The following TNIK variants were observed in gnomAD, a reference collection of about 807,000 sequenced individuals.
TNIK encodes the protein TRAF2 and NCK-interacting protein kinase.
In TNIK, 49 loss-of-function variants were observed where a neutral mutation model predicts 191.3. The ratio of observed to expected loss-of-function variants is 0.26; its 90% CI spans 0.20 to 0.32. TNIK has a LOEUF of 0.32. Among genes scored for constraint, TNIK ranks in the 10% least tolerant of loss-of-function variants. TNIK has a pLI of 1.00. For synonymous variants in TNIK, 594 were observed against 600.9 expected (o/e 0.99, Z 0.17); for missense variants, 1,155 against 1,702.3 (o/e 0.68, Z 5.66).
chr3:171,107,299 G>C, intron 20 of TNIK, 93 bp from the exon 21 acceptor site: 4 of 1,146,592 alleles, frequency 3.5e-6, no homozygotes, highest in Non-Finnish European at 5.0e-6. Context: ...GTAATTGTTA[G>C]TACGCAACTG....
chr3:171,390,675 T>C (rs1719378577), intron 1 of TNIK, among the ~76,000 whole-genome samples: 1 of 152,234 alleles, frequency 6.6e-6, no homozygotes, highest in African/African-American at 2.4e-5. Flanking sequence ...TCTCACCTCT[T>C]GGTACATTAG....
At chr3:171,443,765 A>G (rs1278911779) in intron 1 of TNIK, among the ~76,000 whole-genome samples, 1 of 152,198 alleles carries the variant, frequency 6.6e-6, no homozygotes. Flanking sequence ...TTGAGGCTAC[A>G]GTGAGCCATG....
At chr3:171,237,684 G>A (rs1222058676) in intron 2 of TNIK, among the ~76,000 whole-genome samples, 1 of 152,090 alleles carries the variant, frequency 6.6e-6, no homozygotes, top group African/African-American at 2.4e-5. Flanking sequence ...TGCTTTGAGA[G>A]GCCAAGGCAG....
chr3:171,101,296 A>C (rs1458592987), intron 22 of TNIK, among the ~76,000 whole-genome samples, 153 bp downstream of exon 22: 1 of 152,194 alleles, frequency 6.6e-6, no homozygotes, highest in Non-Finnish European at 1.5e-5. Context: ...AGATAATTAT[A>C]GAACTATGCT....
intron 2 of TNIK, among the ~76,000 whole-genome samples, chr3:171,339,622 A>AGCTGAATCCCAGGCTG (rs1437446691): frequency 6.6e-6 from 1 of 152,236 alleles, no homozygotes; most frequent in Non-Finnish European, 1.5e-5. Flanking sequence ...GAGGTCCTTC[A>AGCTGAATCCCAGGCTG]GCTGAATCCC....
At chr3:171,376,525 G>A (rs1228629565) in intron 1 of TNIK, among the ~76,000 whole-genome samples, 1 of 152,054 alleles carries the variant, frequency 6.6e-6, no homozygotes, top group Non-Finnish European at 1.5e-5. Context: ...CCAATCTAAG[G>A]AAGGAAGCAG....
intron 2 of TNIK, among the ~76,000 whole-genome samples, chr3:171,254,206 G>A (rs1276279711): frequency 5.9e-5 from 9 of 152,120 alleles, no homozygotes; most frequent in South Asian, 4.2e-4. Flanking sequence ...TTAATGTAGC[G>A]TGTCTATTAC....
intron 1 of TNIK, among the ~76,000 whole-genome samples, chr3:171,443,263 G>A (rs1015066428): frequency 6.6e-6 from 1 of 152,164 alleles, no homozygotes; most frequent in African/African-American, 2.4e-5. Flanking sequence ...GAGTATCCAT[G>A]CTCTGAAAGT....
rs910327895 is a variant in TNIK, at chr3:171,392,986, T to A, written c.58-23301A>T. ...GTCACATTTTAAAATAAAAAAAAAA[T>A]GAGCCTTCTCCCTTTACAATGCAGG... On this transcript the variant is annotated intron_variant, in intron 1 of 32. Transcript: ENST00000436636. 7.2e-5 allele frequency among the ~76,000 whole-genome samples: 11 copies of A among 151,844 alleles called. No individual in the cohort carries two copies. The East Asian group carries it at 2.1e-3, about 29-fold the overall frequency.
At chr3:171,139,884 T>C (rs559026385) in intron 13 of TNIK, among the ~76,000 whole-genome samples, 176 of 152,306 alleles carry the variant, frequency 1.2e-3, no homozygotes, top group African/African-American at 4.1e-3. Flanking sequence ...GAATTAACAA[T>C]GCTATAAAGT....
At chr3:171,262,941 T>C (rs1041689045) in intron 2 of TNIK, among the ~76,000 whole-genome samples, 1 of 152,190 alleles carries the variant, frequency 6.6e-6, no homozygotes, top group African/African-American at 2.4e-5. Flanking sequence ...TCCCTTCTGA[T>C]GAAACACTCA....
intron 1 of TNIK, among the ~76,000 whole-genome samples, chr3:171,389,413 T>C (rs919882422): frequency 2.6e-5 from 4 of 152,210 alleles, no homozygotes; most frequent in Non-Finnish European, 5.9e-5. Flanking sequence ...TCCGAGTGCC[T>C]GCTCTGTGCC....
chr3:171,387,932 C>T (rs1023790227), intron 1 of TNIK, among the ~76,000 whole-genome samples: 10 of 142,946 alleles, frequency 7.0e-5, no homozygotes, highest in African/African-American at 2.4e-4. Flanking sequence ...TCCAACAGAA[C>T]TGAAATAATG....
chr3:171,171,898 T>C (rs1271241619), intron 9 of TNIK, among the ~76,000 whole-genome samples: 1 of 152,206 alleles, frequency 6.6e-6, no homozygotes, highest in African/African-American at 2.4e-5. Flanking sequence ...TGGTTTCCTC[T>C]GATTCCACAA....
chr3:171,412,299 C>G (rs535881842), intron 1 of TNIK, among the ~76,000 whole-genome samples: 2 of 151,980 alleles, frequency 1.3e-5, no homozygotes, highest in Non-Finnish European at 2.9e-5. Flanking sequence ...GCAGCAGCAA[C>G]GTGGAAACTG....
At chr3:171,459,892 C>T (rs1250277157) in intron 1 of TNIK, 115 bp downstream of exon 1, 3 of 1,305,460 alleles carry the variant, frequency 2.3e-6, no homozygotes, top group African/African-American at 3.0e-5. Flanking sequence ...GTTCCCTCCC[C>T]GACGCATTCT....
rs566483363 is a variant in TNIK at position 171,177,922 on chromosome 3, T to C, written c.640-542A>G. Among the ~76,000 whole-genome samples the C allele has an allele frequency of 5.9e-5, 9 of 152,370 alleles. No individual in the cohort carries two copies. The South Asian group carries it at 1.9e-3, about 32-fold the overall frequency. ...CTTTCTGTCACTATGAATTAGTTTGTAACTTCCAAAGTTTTGTATAAGTGA... is the reference window on the plus strand; with the variant it reads ...CTTTCTGTCACTATGAATTAGTTTGCAACTTCCAAAGTTTTGTATAAGTGA... On this transcript the variant is annotated intron_variant, in intron 7 of 32. Coordinates refer to ENST00000436636, the MANE Select transcript of TNIK (RefSeq NM_015028.4).
intron 1 of TNIK, among the ~76,000 whole-genome samples, chr3:171,406,988 G>A (rs1311873233): frequency 6.6e-6 from 1 of 152,242 alleles, no homozygotes; most frequent in Non-Finnish European, 1.5e-5. Context: ...AGGCCTGCCT[G>A]GGGAAGTGGG....
In TNIK at chr3:171,367,772, G is replaced by T. The variant is rs183654123; in HGVS notation, c.123+1848C>A. Among the ~76,000 whole-genome samples, 278 of 152,158 alleles carry T rather than the reference G, an allele frequency of 1.8e-3. 1 individual carries two copies. The highest frequency in any genetic ancestry group is 0.011 in the Admixed American group (172 of 15,282). On this transcript the variant is annotated intron_variant, in intron 2 of 32. Coordinates refer to ENST00000436636, the MANE Select transcript of TNIK (RefSeq NM_015028.4). ...GGCGTGAGCCACCGCACCTGGCCAG[G>T]CCCCAAAGCATCTCTAACTACATTC... is the stretch of plus-strand genomic sequence containing the variant.
Sources: gnomAD v4.1 joint callset for allele counts (sites outside exome capture counted in the v4.1 genomes callset) on GRCh38, gnomAD v4.1.1 for gene constraint, MANE v1.5 for transcripts, NCBI Gene and HGNC (gene_info 2026-07-23, HGNC 2026-07-21) for gene names.